Variants in CDC42BPB observed in about 807,000 individuals in gnomAD.
The protein encoded by CDC42BPB is serine/threonine-protein kinase MRCK beta.
In CDC42BPB, 37 loss-of-function variants were observed where a neutral mutation model predicts 214.9. The ratio of observed to expected loss-of-function variants is 0.17; its 90% confidence interval spans 0.13 to 0.23. The LOEUF is 0.23. Among genes scored for constraint, CDC42BPB ranks in the 10% least tolerant of loss-of-function variants. The probability of loss-of-function intolerance (pLI) is 1.00; values close to 1 mark genes in which losing one functional copy is unlikely to be tolerated. For synonymous variants in CDC42BPB, 931 were observed against 884.0 expected (o/e 1.05, Z -0.94); for missense variants, 1,694 against 2,227.0 (o/e 0.76, Z 4.82).
chr14:102,963,659 C>G (rs755994873), intron 19 of CDC42BPB, among the ~76,000 whole-genome samples: 7 of 152,214 alleles, frequency 4.6e-5, no homozygotes, highest in Non-Finnish European at 8.8e-5. Flanking sequence ...CTGGTCCACT[C>G]ATCAGTGGGG....
intron 1 of CDC42BPB, among the ~76,000 whole-genome samples, chr14:103,017,981 TCATGGAAGACAATTTTTCCA>T (rs1370043540): frequency 6.6e-6 from 1 of 152,250 alleles, no homozygotes; most frequent in African/African-American, 2.4e-5. Context: ...GGGGCCACTT[TCATGGAAGACAATTTTTCCA>T]CAGACCCGTA....
At chr14:102,941,343 T>G (rs1891879420) in intron 30 of CDC42BPB, 1 of 985,482 alleles carries the variant, frequency 1.0e-6, no homozygotes, top group Non-Finnish European at 1.2e-6. Flanking sequence ...TTTAAAAGCC[T>G]TCTGCTCTGT....
intron 26 of CDC42BPB, among the ~76,000 whole-genome samples, chr14:102,949,424 C>T (rs976066767): frequency 1.3e-5 from 2 of 151,974 alleles, no homozygotes; most frequent in Non-Finnish European, 1.5e-5. Flanking sequence ...CTGTGGGCCG[C>T]GTGGCTTTTC....
intron 5 of CDC42BPB, 112 bp downstream of exon 5, chr14:102,999,453 T>G: frequency 2.0e-6 from 2 of 995,142 alleles, no homozygotes; most frequent in Admixed American, 3.9e-5. Flanking sequence ...CAGCTCAAAG[T>G]GGGGACTCGC....
intron 1 of CDC42BPB, among the ~76,000 whole-genome samples, chr14:103,022,239 G>A (rs1886814426): frequency 6.6e-6 from 1 of 152,142 alleles, no homozygotes; most frequent in Non-Finnish European, 1.5e-5. Context: ...CTTTTGCCAC[G>A]TGGAGACCAC....
At chr14:102,996,883 A>T (rs1031041506) in intron 5 of CDC42BPB, among the ~76,000 whole-genome samples, 3 of 151,686 alleles carry the variant, frequency 2.0e-5, no homozygotes, top group African/African-American at 2.4e-5. Flanking sequence ...TGTATTTTTT[A>T]AAAAGAAAGA....
chr14:102,950,127 A>C (rs1892418469), intron 25 of CDC42BPB: 2 of 984,220 alleles, frequency 2.0e-6, no homozygotes, highest in Middle Eastern at 5.2e-4. Flanking sequence ...CGCTGTGTCC[A>C]CCCCATGCAG....
At position 103,003,962 on chromosome 14, in the gene CDC42BPB, G is replaced by A. The variant is rs760562644; in HGVS notation, c.413C>T (p.Ala138Val). The A allele has an allele frequency of 4.3e-6, 7 of 1,612,028 alleles. No individual in the cohort carries two copies. The highest frequency in any genetic ancestry group is 1.1e-5 in the South Asian group (1 of 90,996). The change falls in exon 4 of 37, where the codon GCG becomes GTG. Residue 138 changes from alanine to valine, a missense_variant. By Grantham distance (64) the Ala-to-Val change is moderately conservative (BLOSUM62 0). Coordinates refer to ENST00000361246, the MANE Select transcript of CDC42BPB (RefSeq NM_006035.4). ...LVNGDCQWIT[A>V]LHYAFQDENH... is the part of the protein sequence containing the mutation. ...CTCGTCCTGAAAGGCGTAGTGCAGC[G>A]CGGTGATCCACTGGCAGTCGCCGTT...
intron 1 of CDC42BPB, among the ~76,000 whole-genome samples, chr14:103,039,026 G>T (rs1165987929): frequency 6.6e-6 from 1 of 152,010 alleles, no homozygotes; most frequent in Non-Finnish European, 1.5e-5. Flanking sequence ...AGATAATCTA[G>T]GTGAAATGGA....
At chr14:103,052,593 A>G (rs7150770) in intron 1 of CDC42BPB, among the ~76,000 whole-genome samples, 19,712 of 152,170 alleles carry the variant, frequency 0.13, 3,402 homozygotes, top group African/African-American at 0.4. Context: ...AGAAGATACT[A>G]TCACACTCAT....
intron 5 of CDC42BPB, 179 bp from the exon 6 acceptor site, chr14:102,986,759 T>C: frequency 4.1e-6 from 4 of 983,932 alleles, no homozygotes; most frequent in Non-Finnish European, 4.8e-6. Context: ...GCCGAAGTCG[T>C]ATCACTGCCC....
chr14:103,057,403 C>T lies in CDC42BPB; in HGVS notation c.-230G>A, dbSNP rs1889049154. On this transcript the variant is annotated 5_prime_UTR_variant, in exon 1 of 37. Coordinates refer to ENST00000361246, the MANE Select transcript of CDC42BPB (RefSeq NM_006035.4). Reference sequence around the variant, plus strand: ...GCGGGTCCATGGGCCGCTCTCCTCCCCTCGGCGCCGCCGCCCTCCCAGCTC... The same window carrying T: ...GCGGGTCCATGGGCCGCTCTCCTCCTCTCGGCGCCGCCGCCCTCCCAGCTC... The T allele has an allele frequency of 3.6e-6, 3 of 823,360 alleles. No homozygotes were observed. Among genetic ancestry groups the T allele is most frequent in the Non-Finnish European group, 4.4e-6 (3 of 681,930 alleles). The allele number at this position is 823,360 out of a possible 1,614,324, so 51.0% of individuals were successfully genotyped here.
At chr14:102,939,144 T>TA (rs1891774309) in intron 34 of CDC42BPB, among the ~76,000 whole-genome samples, 1 of 151,910 alleles carries the variant, frequency 6.6e-6, no homozygotes, top group Admixed American at 6.6e-5. Flanking sequence ...TTTCACCGTG[T>TA]TAGCCAGGAT....
intron 5 of CDC42BPB, among the ~76,000 whole-genome samples, chr14:102,987,700 T>C (rs1894305032): frequency 6.6e-6 from 1 of 152,002 alleles, no homozygotes; most frequent in Non-Finnish European, 1.5e-5. Context: ...AACTCTAGCA[T>C]GTAACACTCC....
Position 102,933,165 on chromosome 14 carries a change from G to A in CDC42BPB, c.*547C>T, listed in dbSNP as rs1234234856. The A allele has an allele frequency of 6.6e-6, 1 of 152,494 alleles. No homozygotes were observed. The highest frequency in any genetic ancestry group is 1.5e-5 in the Non-Finnish European group (1 of 68,108). 9.4% of individuals were successfully genotyped at this position (152,494 alleles called of 1,614,324 possible). The stretch of plus-strand genomic sequence containing the variant: ...CCTGGGCCTTTGTCCATGACTAGGT[G>A]GTCAGCAGGACTTCTGCAGCTGACT... On this transcript the variant is annotated 3_prime_UTR_variant, in exon 37 of 37. Transcript: ENST00000361246.
chr14:102,968,081 C>T (rs1365667159), intron 16 of CDC42BPB, among the ~76,000 whole-genome samples, 172 bp downstream of exon 16: 3 of 151,086 alleles, frequency 2.0e-5, no homozygotes, highest in South Asian at 2.1e-4. Context: ...AGCGACAGAG[C>T]GAGACTCCAT....
At chr14:102,955,644 A>G (rs984078179) in intron 21 of CDC42BPB, among the ~76,000 whole-genome samples, 2 of 152,216 alleles carry the variant, frequency 1.3e-5, no homozygotes, top group Non-Finnish European at 2.9e-5. Context: ...CTCTGAAACC[A>G]CTTAAAAACA....
rs768469311 is a variant in CDC42BPB at position 102,949,858 on chromosome 14, G to A, written c.3356C>T (p.Ala1119Val). ...GVKKGWQRAY[A>V]VVCDCKLFLY... ...GAAGAGCTTGCAGTCACAGACGACT[G>A]CATATGCGCGCTGCCATCCCTTCTT... Residue 1119 changes from alanine to valine, a missense_variant, in exon 26 of 37, where the codon GCA (alanine) becomes GTA (valine). By Grantham distance (64) the Ala-to-Val change is moderately conservative. Coordinates refer to ENST00000361246, the MANE Select transcript of CDC42BPB (RefSeq NM_006035.4). 4.3e-6 allele frequency: 7 copies of A among 1,613,680 alleles called. No homozygotes were observed. Among genetic ancestry groups the A allele is most frequent in the Non-Finnish European group, 5.9e-6 (7 of 1,180,026 alleles).
At chr14:102,968,829 G>A in intron 14 of CDC42BPB, 113 bp from the exon 15 acceptor site, 1 of 1,531,834 alleles carries the variant, frequency 6.5e-7, no homozygotes, top group African/African-American at 1.4e-5. Flanking sequence ...AGGACTGTGT[G>A]TGCCTGGTCT....
Sources: allele counts gnomAD v4.1 joint callset (sites outside exome capture counted in the v4.1 genomes callset), GRCh38; gene constraint gnomAD v4.1.1; transcripts MANE v1.5; gene names NCBI Gene and HGNC (gene_info 2026-07-23, HGNC 2026-07-21).